LCORL: variants seen among roughly 807,000 people sequenced by gnomAD.
LCORL encodes ligand dependent nuclear receptor corepressor like.
In LCORL, 41 loss-of-function variants were observed where a neutral mutation model predicts 141.8. The observed-to-expected ratio is 0.29, with a 90% CI of 0.23 to 0.38. The LOEUF is 0.38. Among genes scored for constraint, LCORL ranks in the 10% least tolerant of loss-of-function variants. The probability of loss-of-function intolerance (pLI) is 1.00; values close to 1 mark genes in which losing one functional copy is unlikely to be tolerated. For synonymous variants in LCORL, 618 were observed against 694.1 expected (o/e 0.89, Z 1.72); for missense variants, 1,759 against 2,035.0 (o/e 0.86, Z 2.61).
chr4:17,873,885 T>G (rs1726639317), exon 7 of LCORL: 7 of 1,234,068 alleles, frequency 5.7e-6, no homozygotes, highest in Non-Finnish European at 7.1e-6. Flanking sequence ...AAAGTCTTTT[T>G]GGCTGCAATT....
At chr4:17,955,154 T>C (rs1017347881) in intron 4 of LCORL, among the ~76,000 whole-genome samples, 7 of 152,042 alleles carry the variant, frequency 4.6e-5, no homozygotes, top group Non-Finnish European at 8.8e-5. Context: ...GCAAGGATCA[T>C]GTGAAAGAAG....
chr4:17,842,314 G>C, exon 8 of LCORL: 1 of 1,611,816 alleles, frequency 6.2e-7, no homozygotes, highest in Non-Finnish European at 8.5e-7. Flanking sequence ...TTCAAGGACA[G>C]AGAAAAGTGA....
At chr4:17,941,004 C>T (rs1162075885) in intron 4 of LCORL, among the ~76,000 whole-genome samples, 1 of 152,120 alleles carries the variant, frequency 6.6e-6, no homozygotes, top group East Asian at 1.9e-4. Context: ...CAGAGAACAA[C>T]CTGCCAAGCA....
intron 7 of LCORL, among the ~76,000 whole-genome samples, chr4:17,871,973 A>C (rs1726389631): frequency 1.3e-5 from 2 of 152,058 alleles, no homozygotes. Flanking sequence ...GGGGTCATAA[A>C]ATCATTAACT....
intron 4 of LCORL, among the ~76,000 whole-genome samples, chr4:17,951,994 G>T (rs372037616): frequency 7.9e-5 from 12 of 152,188 alleles, no homozygotes; most frequent in African/African-American, 2.2e-4. Flanking sequence ...AAGAAAACTG[G>T]GAAAAATATC....
In LCORL at chr4:17,884,719, T is replaced by C. The variant is rs1728056531; in HGVS notation, c.776+1349A>G. 2 of 1,499,596 alleles carry C rather than the reference T, an allele frequency of 1.3e-6. No homozygotes were observed. The highest frequency in any genetic ancestry group is 8.9e-7 in the Non-Finnish European group (1 of 1,126,736). 92.9% of individuals were successfully genotyped at this position (1,499,596 alleles called of 1,614,324 possible). ...AACCATCTGCAAACTCAGCACTTCT[T>C]TCCACATAGTCCTCTCTGTTTCTGT... is the stretch of plus-strand genomic sequence containing the variant. On this transcript the variant is annotated intron_variant, in intron 6 of 7. Transcript: ENST00000635767. The surrounding 1 kb of genome is among the most constrained non-coding windows in gnomAD (Gnocchi z 4.4).
At chr4:17,907,922 C>T (rs1371551724) in intron 5 of LCORL, among the ~76,000 whole-genome samples, 1 of 152,160 alleles carries the variant, frequency 6.6e-6, no homozygotes, top group East Asian at 1.9e-4. Context: ...ATACTTGCAA[C>T]CTAGTATTAG....
At position 18,013,526 on chromosome 4, in the gene LCORL, GT is replaced by G. The variant is rs372816315; in HGVS notation, c.154+8071del. On this transcript the variant is annotated intron_variant, in intron 1 of 7. Transcript: ENST00000635767. Reference sequence around the variant, plus strand: ...GACAGATATTATCCCAGTTTCATAGGTTTCCATCTGTAAAAAGTGGAATGAT... The same window carrying G: ...GACAGATATTATCCCAGTTTCATAGGTTCCATCTGTAAAAAGTGGAATGAT... 2.4e-3 allele frequency among the ~76,000 whole-genome samples: 369 copies of G among 152,236 alleles called. 1 individual carries two copies. Among genetic ancestry groups the G allele is most frequent in the African/African-American group, 7.9e-3 (330 of 41,544 alleles).
chr4:17,948,953 C>A (rs935799551), intron 4 of LCORL, among the ~76,000 whole-genome samples: 1 of 151,888 alleles, frequency 6.6e-6, no homozygotes, highest in South Asian at 2.1e-4. Context: ...GTCTAAGCAG[C>A]GTAAGGGCTG....
At chr4:17,892,421 C>G (rs1291321730) in intron 5 of LCORL, among the ~76,000 whole-genome samples, 1 of 151,914 alleles carries the variant, frequency 6.6e-6, no homozygotes, top group Non-Finnish European at 1.5e-5. Flanking sequence ...ATTGGCCAGG[C>G]TGGTCTCGAA....
At chr4:17,883,515 T>C in intron 6 of LCORL, 1 of 1,310,974 alleles carries the variant, frequency 7.6e-7, no homozygotes, top group Non-Finnish European at 9.7e-7. Flanking sequence ...TATAATTCTG[T>C]CCACAGTGAA....
At chr4:17,852,351 C>T (rs768076373) in intron 7 of LCORL, among the ~76,000 whole-genome samples, 4 of 151,788 alleles carry the variant, frequency 2.6e-5, no homozygotes, top group Non-Finnish European at 5.9e-5. Flanking sequence ...ATAATAATGA[C>T]CCTGGACAAG....
intron 7 of LCORL, among the ~76,000 whole-genome samples, chr4:17,864,875 C>T (rs1203663722): frequency 6.6e-6 from 1 of 152,156 alleles, no homozygotes; most frequent in East Asian, 1.9e-4. Context: ...AATTAGATTT[C>T]AGAGTAAGGA....
chr4:17,992,611 C>A (rs1720218951), intron 1 of LCORL, among the ~76,000 whole-genome samples: 1 of 152,112 alleles, frequency 6.6e-6, no homozygotes, highest in African/African-American at 2.4e-5. Flanking sequence ...AGATTCAATT[C>A]TACATTATAA....
intron 4 of LCORL, among the ~76,000 whole-genome samples, chr4:17,956,218 C>T (rs1712595945): frequency 6.6e-6 from 1 of 152,012 alleles, no homozygotes; most frequent in Non-Finnish European, 1.5e-5. Flanking sequence ...TGGGAGTGTA[C>T]ATTGTACAGC....
At chr4:18,009,771 TG>T (rs1320027542) in intron 1 of LCORL, among the ~76,000 whole-genome samples, 2 of 151,936 alleles carry the variant, frequency 1.3e-5, no homozygotes, top group Non-Finnish European at 2.9e-5. Context: ...TCACCCTGCT[TG>T]GGCTCCAATA....
intron 1 of LCORL, among the ~76,000 whole-genome samples, chr4:18,020,290 C>A (rs1349078532): frequency 6.6e-6 from 1 of 152,082 alleles, no homozygotes; most frequent in African/African-American, 2.4e-5. Context: ...GGTGCCAGAG[C>A]AGATGGAAAC....
intron 4 of LCORL, among the ~76,000 whole-genome samples, chr4:17,923,871 T>C (rs1734685264): frequency 6.6e-6 from 1 of 152,046 alleles, no homozygotes. Context: ...ACTGCGTCTT[T>C]CCCGAATTTC....
At chr4:17,908,968 A>C in intron 5 of LCORL, 126 bp downstream of exon 5, 1 of 846,418 alleles carries the variant, frequency 1.2e-6, no homozygotes, top group Non-Finnish European at 1.7e-6. Context: ...AGCACATATT[A>C]CATAAGCAAA....
Sources: gnomAD v4.1 joint callset for allele counts (sites outside exome capture counted in the v4.1 genomes callset) on GRCh38, gnomAD v4.1.1 for gene constraint, Gnocchi (gnomAD v3.1) non-coding constraint, MANE v1.5 for transcripts, NCBI Gene and HGNC (gene_info 2026-07-23, HGNC 2026-07-21) for gene names.